The following UPRT variants were observed in gnomAD, a reference collection of about 807,000 sequenced individuals.
The protein encoded by UPRT is RP11-311P8.3.
Under a neutral mutation model 22.6 loss-of-function variants are expected in UPRT, and 5 were observed. That is an observed-to-expected ratio of 0.22 (90% CI 0.12 to 0.47). UPRT has a LOEUF of 0.47. Ranked by LOEUF, UPRT falls within the 20% of genes least tolerant of loss-of-function variation. The probability of loss-of-function intolerance (pLI) is 0.99; values close to 1 mark genes in which losing one functional copy is unlikely to be tolerated. For missense variants in UPRT, 181 were observed against 239.9 expected (o/e 0.75, Z 1.62); for synonymous variants, 77 against 87.7 (o/e 0.88, Z 0.68).
At chrX:75,173,589 G>A (rs747263633) in intron 4 of UPRT, among the ~76,000 whole-genome samples, 17 of 112,738 alleles carry the variant, frequency 1.5e-4, no homozygotes, top group South Asian at 3.6e-4. Flanking sequence ...GTCTCGCACC[G>A]TGCGCTCACA....
intron 4 of UPRT, among the ~76,000 whole-genome samples, chrX:75,255,466 T>C (rs1233809944): frequency 9.0e-6 from 1 of 110,834 alleles, no homozygotes; most frequent in Non-Finnish European, 1.9e-5. Flanking sequence ...ATCAAAAATA[T>C]ATAGGCAACA....
intron 4 of UPRT, among the ~76,000 whole-genome samples, chrX:75,235,355 G>A (rs1832592545): frequency 9.0e-6 from 1 of 111,462 alleles, no homozygotes; most frequent in African/African-American, 3.3e-5. Flanking sequence ...TTCTACCAGA[G>A]GTAGAAGGAG....
intron 4 of UPRT, among the ~76,000 whole-genome samples, chrX:75,242,907 A>G (rs1338937900): frequency 9.0e-6 from 1 of 111,685 alleles, no homozygotes; most frequent in Non-Finnish European, 1.9e-5. Flanking sequence ...AAGGCACTGT[A>G]TAGATAAATG....
At chrX:75,234,191 GC>G (rs2082450781) in intron 4 of UPRT, among the ~76,000 whole-genome samples, 1 of 111,196 alleles carries the variant, frequency 9.0e-6, no homozygotes, top group Non-Finnish European at 1.9e-5. Context: ...GACAAAGAAG[GC>G]CATTACTCAA....
intron 4 of UPRT, among the ~76,000 whole-genome samples, chrX:75,234,522 C>T (rs1481889080): frequency 4.5e-5 from 5 of 111,431 alleles, no homozygotes; most frequent in Admixed American, 2.9e-4. Context: ...CCAAAATTGA[C>T]CACATACTTG....
intron 1 of UPRT, chrX:75,274,876 G>A (rs62610325): frequency 0.033 from 12,430 of 378,613 alleles, 199 homozygotes; most frequent in Middle Eastern, 0.066. Context: ...ATCACTTTGG[G>A]TGGGGAGGAA....
intron 1 of UPRT, among the ~76,000 whole-genome samples, chrX:75,275,283 C>G (rs1396035677): frequency 8.9e-6 from 1 of 111,898 alleles, no homozygotes. Flanking sequence ...TCCCACAAAC[C>G]AATGTAGCCA....
At chrX:75,180,681 G>GTTTTTTT (rs59522302) in intron 4 of UPRT, among the ~76,000 whole-genome samples, 5 of 43,886 alleles carry the variant, frequency 1.1e-4, no homozygotes, top group African/African-American at 2.8e-4. Flanking sequence ...CCTTTTCTCT[G>GTTTTTTT]TTTTTTTTTT....
chrX:75,220,976 C>G lies in UPRT; in HGVS notation c.-447+53097C>G, dbSNP rs754558274. On this transcript the variant is annotated intron_variant, in intron 4 of 13. Coordinates refer to the UPRT transcript ENST00000652605. ...TCATTTTGTTTATGATTAAATAACT[C>G]CTTTAACATTTCCTATAGGACAGGT... Among the ~76,000 whole-genome samples the G allele has an allele frequency of 2.7e-5, 3 of 111,697 alleles. No homozygotes were observed. In the Admixed American group the frequency reaches 2.9e-4, roughly 11 times the overall value.
chrX:75,235,082 C>T (rs1484431020), intron 4 of UPRT, among the ~76,000 whole-genome samples: 1 of 109,753 alleles, frequency 9.1e-6, no homozygotes, highest in Non-Finnish European at 1.9e-5. Context: ...CAAATAGATG[C>T]AAAAAAAATG....
intron 4 of UPRT, among the ~76,000 whole-genome samples, chrX:75,218,979 G>A (rs1272053921): frequency 2.7e-5 from 3 of 110,490 alleles, no homozygotes; most frequent in Non-Finnish European, 3.8e-5. Flanking sequence ...CATGACACAT[G>A]TATACATATG....
At chrX:75,188,508 CT>C (rs1414652769) in intron 4 of UPRT, among the ~76,000 whole-genome samples, 1 of 112,835 alleles carries the variant, frequency 8.9e-6, no homozygotes, top group Non-Finnish European at 1.9e-5. Flanking sequence ...GAGGTGGAGC[CT>C]ACAGAGGCAG....
intron 4 of UPRT, among the ~76,000 whole-genome samples, chrX:75,221,168 G>C (rs953345549): frequency 9.0e-6 from 1 of 110,667 alleles, no homozygotes; most frequent in African/African-American, 3.3e-5. Context: ...ATTTCCACTG[G>C]AAAACCTGCT....
intron 4 of UPRT, among the ~76,000 whole-genome samples, chrX:75,268,249 A>C (rs1430248149): frequency 1.8e-5 from 2 of 111,421 alleles, no homozygotes; most frequent in Non-Finnish European, 3.8e-5. Flanking sequence ...CAAATTATGA[A>C]ATTGAGGCAG....
intron 4 of UPRT, among the ~76,000 whole-genome samples, chrX:75,205,362 C>T (rs1225896095): frequency 9.1e-5 from 7 of 77,325 alleles, no homozygotes; most frequent in Middle Eastern, 9.5e-3. Flanking sequence ...CCGGCCTGGG[C>T]GACAGAGCGA....
At chrX:75,226,745 A>T (rs753745336) in intron 4 of UPRT, among the ~76,000 whole-genome samples, 1 of 109,492 alleles carries the variant, frequency 9.1e-6, no homozygotes, top group East Asian at 2.9e-4. Context: ...GCTTGCCATC[A>T]TTTAATGTAA....
At chrX:75,195,004 G>A (rs1046048671) in intron 4 of UPRT, among the ~76,000 whole-genome samples, 3 of 110,871 alleles carry the variant, frequency 2.7e-5, no homozygotes, top group African/African-American at 9.8e-5. Flanking sequence ...TGGCAGCAGG[G>A]GCATGGTAGG....
intron 6 of UPRT, 92 bp from the exon 7 acceptor site, chrX:75,303,313 A>T: frequency 3.2e-6 from 2 of 617,332 alleles, no homozygotes. Context: ...TCTTCTCTCA[A>T]TTTTAGACCT....
intron 4 of UPRT, among the ~76,000 whole-genome samples, chrX:75,184,581 T>A (rs2082282499): frequency 9.2e-6 from 1 of 108,265 alleles, no homozygotes; most frequent in Non-Finnish European, 1.9e-5. Context: ...GGTAGCTTGA[T>A]GGGGATGGCA....
Sources: gnomAD v4.1 joint callset for allele counts (sites outside exome capture counted in the v4.1 genomes callset) on GRCh38, gnomAD v4.1.1 for gene constraint, MANE v1.5 for transcripts, NCBI Gene and HGNC (gene_info 2026-07-23, HGNC 2026-07-21) for gene names.